Variants in PRIM2 observed in about 807,000 individuals in gnomAD.
PRIM2 encodes DNA primase large subunit.
In PRIM2, 39 loss-of-function variants were observed where a neutral mutation model predicts 67.3. The ratio of observed to expected loss-of-function variants is 0.58; its 90% confidence interval spans 0.45 to 0.76. The LOEUF (loss-of-function observed/expected upper bound fraction) is 0.76, where lower values mean the gene tolerates loss of function less well. Ranked by LOEUF, PRIM2 falls within the 30% of genes least tolerant of loss-of-function variation. The probability of loss-of-function intolerance (pLI) is 0.00; values close to 1 mark genes in which losing one functional copy is unlikely to be tolerated. For missense variants in PRIM2, 398 were observed against 598.7 expected, an observed-to-expected ratio of 0.66 and a Z score of 3.50; for synonymous variants, 143 against 198.7, an observed-to-expected ratio of 0.72 and a Z score of 2.36.
the PRIM2 span, among the ~76,000 whole-genome samples, chr6:57,268,470 A>C: frequency 1.3e-5 from 2 of 152,142 alleles, no homozygotes; most frequent in Non-Finnish European, 2.9e-5. Context: ...AAAAAATGCT[A>C]TCTCAGAGCC....
intron 7 of PRIM2, among the ~76,000 whole-genome samples, chr6:57,460,742 C>G (rs1324929330): frequency 3.3e-5 from 5 of 152,082 alleles, no homozygotes; most frequent in Non-Finnish European, 7.4e-5. Context: ...TACTTCTAAG[C>G]TGTGTTTTCC....
the PRIM2 span, among the ~76,000 whole-genome samples, chr6:57,290,144 C>T: frequency 6.9e-6 from 1 of 143,988 alleles, no homozygotes; most frequent in Non-Finnish European, 1.5e-5. Flanking sequence ...AAAAAAAAAG[C>T]AGGGGTTGCA....
chr6:57,451,967 G>A (rs1285920742), intron 7 of PRIM2, among the ~76,000 whole-genome samples: 2 of 141,774 alleles, frequency 1.4e-5, no homozygotes, highest in African/African-American at 2.7e-5. Flanking sequence ...GGTGTGTGAT[G>A]TTCTTCTTCC....
chr6:57,307,701 G>A, the PRIM2 span, among the ~76,000 whole-genome samples: 2 of 152,124 alleles, frequency 1.3e-5, no homozygotes, highest in Non-Finnish European at 2.9e-5. Context: ...AAAGTGAGAG[G>A]GTCCTTTAGA....
intron 2 of PRIM2, among the ~76,000 whole-genome samples, chr6:57,320,183 C>T (rs1426297936): frequency 6.6e-6 from 1 of 151,968 alleles, no homozygotes; most frequent in Non-Finnish European, 1.5e-5. Context: ...CTTTTCTGTT[C>T]CTCAGGAATG....
At position 57,494,442 on chromosome 6, in the gene PRIM2, A is replaced by T. The variant is rs1370337061; in HGVS notation, c.694-12945A>T. 7.7e-4 allele frequency among the ~76,000 whole-genome samples: 117 copies of T among 152,342 alleles called. No individual in the cohort carries two copies. In the East Asian group the frequency reaches 0.021, roughly 28 times the overall value. ...GGAGATAGAAAAATGTAGTAACCTAAAGGAAACAAAGAATAAGAAAAATAT... is the reference window on the plus strand; with the variant it reads ...GGAGATAGAAAAATGTAGTAACCTATAGGAAACAAAGAATAAGAAAAATAT... On this transcript the variant is annotated intron_variant, in intron 7 of 13. Transcript: ENST00000615550.
At chr6:57,384,951 A>C (rs1018690543) in intron 7 of PRIM2, among the ~76,000 whole-genome samples, 3 of 152,166 alleles carry the variant, frequency 2.0e-5, no homozygotes, top group African/African-American at 7.2e-5. Flanking sequence ...ATAAGTTTTG[A>C]CTGTTTTATA....
At chr6:57,294,148 C>A in the PRIM2 span, among the ~76,000 whole-genome samples, 1 of 152,000 alleles carries the variant, frequency 6.6e-6, no homozygotes, top group Non-Finnish European at 1.5e-5. Context: ...TGCAGGAGGT[C>A]CACAATATGT....
At chr6:57,321,197 G>A (rs1472994056) in intron 3 of PRIM2, among the ~76,000 whole-genome samples, 1 of 152,210 alleles carries the variant, frequency 6.6e-6, no homozygotes, top group East Asian at 1.9e-4. Flanking sequence ...GTGACTGATT[G>A]TAGGGGGAAT....
At chr6:57,392,435 A>T (rs1770382435) in intron 7 of PRIM2, among the ~76,000 whole-genome samples, 3 of 152,068 alleles carry the variant, frequency 2.0e-5, no homozygotes, top group African/African-American at 7.2e-5. Context: ...TTTACATTAT[A>T]TTTATAGTTT....
chr6:57,481,451 A>T (rs1773626707), intron 7 of PRIM2, among the ~76,000 whole-genome samples: 1 of 152,220 alleles, frequency 6.6e-6, no homozygotes, highest in Non-Finnish European at 1.5e-5. Flanking sequence ...TTGCTTCTTT[A>T]TAAATCACTG....
chr6:57,269,604 T>C, the PRIM2 span, among the ~76,000 whole-genome samples: 1 of 152,132 alleles, frequency 6.6e-6, no homozygotes, highest in East Asian at 1.9e-4. Flanking sequence ...GATGGTAGTT[T>C]CTTTTGCTGT....
chr6:57,225,691 A>G, the PRIM2 span, among the ~76,000 whole-genome samples: 52 of 152,340 alleles, frequency 3.4e-4, no homozygotes, highest in African/African-American at 1.2e-3. Context: ...AATGAACTGA[A>G]CAGTGTCCAA....
At chr6:57,571,519 C>T (rs1390504477) in intron 10 of PRIM2, among the ~76,000 whole-genome samples, 10 of 151,928 alleles carry the variant, frequency 6.6e-5, no homozygotes, top group Non-Finnish European at 1.3e-4. Flanking sequence ...GGCATGGTGG[C>T]GTGGCCTGTA....
At chr6:57,619,612 A>G (rs1343119627) in intron 12 of PRIM2, among the ~76,000 whole-genome samples, 1 of 152,148 alleles carries the variant, frequency 6.6e-6, no homozygotes, top group Non-Finnish European at 1.5e-5. Context: ...ACTTTTAGAA[A>G]TGCAAAATGC....
At chr6:57,532,691 A>C (rs1208724977) in intron 9 of PRIM2, among the ~76,000 whole-genome samples, 1 of 152,244 alleles carries the variant, frequency 6.6e-6, no homozygotes, top group Non-Finnish European at 1.5e-5. Flanking sequence ...CTTTTATGAA[A>C]ACAGAATTTA....
chr6:57,532,059 A>G (rs1774902656), intron 8 of PRIM2, among the ~76,000 whole-genome samples: 1 of 152,086 alleles, frequency 6.6e-6, no homozygotes, highest in African/African-American at 2.4e-5. Context: ...ATGATTCCCA[A>G]TTTAAGTTCC....
chr6:57,453,914 G>T lies in PRIM2; in HGVS notation c.694-53473G>T, dbSNP rs1166324558. Among the ~76,000 whole-genome samples, 18 of 152,228 alleles carry T rather than the reference G, an allele frequency of 1.2e-4. No homozygotes were observed. The East Asian group carries it at 3.3e-3, about 28-fold the overall frequency. On this transcript the variant is annotated intron_variant, in intron 7 of 13. Transcript: ENST00000615550. ...TTTTTGCCCATTCAGTATGATATTG[G>T]CTGTGGGTTTGTCATAGATAGCTCT... is the stretch of plus-strand genomic sequence containing the variant.
At chr6:57,430,447 G>GTTTTTT (rs71687266) in intron 7 of PRIM2, among the ~76,000 whole-genome samples, 39 of 78,164 alleles carry the variant, frequency 5.0e-4, no homozygotes, top group Non-Finnish European at 6.5e-4. Flanking sequence ...TTCTTTCTTT[G>GTTTTTT]TTTTTTTTTT....
Sources: gnomAD v4.1 joint callset for allele counts (sites outside exome capture counted in the v4.1 genomes callset) on GRCh38, gnomAD v4.1.1 for gene constraint, MANE v1.5 for transcripts, NCBI Gene and HGNC (gene_info 2026-07-23, HGNC 2026-07-21) for gene names.